ZNF782: variants seen among roughly 807,000 people sequenced by gnomAD.
ZNF782 encodes the protein zinc finger protein 782.
Under a neutral mutation model 13.0 loss-of-function variants are expected in ZNF782, and 12 were observed. The ratio of observed to expected loss-of-function variants is 0.92; its 90% CI spans 0.59 to 1.50. The LOEUF is 1.50. Among genes scored for constraint, ZNF782 ranks in the 40% most tolerant of loss-of-function variants. ZNF782 has a pLI of 0.00. For synonymous variants in ZNF782, 284 were observed against 283.0 expected, an observed-to-expected ratio of 1.00 and a Z score of -0.04; for missense variants, 770 against 822.9, an observed-to-expected ratio of 0.94 and a Z score of 0.79.
At chr9:96,909,455 C>A in the ZNF782 span, among the ~76,000 whole-genome samples, 1 of 148,300 alleles carries the variant, frequency 6.7e-6, no homozygotes, top group African/African-American at 2.5e-5. Flanking sequence ...AATTCTAAAT[C>A]AAGCCTTATG....
chr9:96,887,506 TACA>T, the ZNF782 span: 2 of 152,094 alleles, frequency 1.3e-5, no homozygotes, highest in Non-Finnish European at 1.5e-5. Flanking sequence ...CCAAACATGA[TACA>T]ACATTATGCT....
At position 96,817,954 on chromosome 9, in the gene ZNF782, C is replaced by CT; in HGVS notation, c.2068dup (p.Arg690LysfsTer16). Reference sequence around the variant, plus strand: ...CCCTGGGTGGGCTTTCTGATGTTCTCTAAGGCTTGATTTTTGACTGAAAGT... The same window carrying CT: ...CCCTGGGTGGGCTTTCTGATGTTCTCTTAAGGCTTGATTTTTGACTGAAAGT... On this transcript the variant is annotated frameshift_variant, in exon 6 of 6. Coordinates refer to ENST00000481138, the MANE Select transcript of ZNF782 (RefSeq NM_001001662.3). LOFTEE classifies it low-confidence loss of function (END_TRUNC). The CT allele has an allele frequency of 6.3e-7, 1 of 1,598,416 alleles. No individual in the cohort carries two copies. Among genetic ancestry groups the CT allele is most frequent in the Non-Finnish European group, 8.5e-7 (1 of 1,173,074 alleles).
intron 1 of ZNF782, among the ~76,000 whole-genome samples, chr9:96,853,741 A>G (rs1851574147): frequency 6.6e-6 from 1 of 152,188 alleles, no homozygotes; most frequent in Non-Finnish European, 1.5e-5. Flanking sequence ...GGCAGGTGTG[A>G]TATTAGCGCC....
the ZNF782 span, among the ~76,000 whole-genome samples, chr9:96,885,089 A>G: frequency 1.3e-5 from 2 of 152,212 alleles, no homozygotes; most frequent in African/African-American, 4.8e-5. Context: ...CTCATAATAT[A>G]GAAAATATCT....
chr9:96,912,418 C>T, the ZNF782 span, among the ~76,000 whole-genome samples: 4 of 149,224 alleles, frequency 2.7e-5, no homozygotes, highest in Non-Finnish European at 6.0e-5. Flanking sequence ...CCCAGCTACT[C>T]GGGAGGCGGA....
chr9:96,851,910 A>G (rs1748431216), intron 3 of ZNF782, 37 bp downstream of exon 3: 2 of 1,604,818 alleles, frequency 1.2e-6, no homozygotes, highest in East Asian at 2.2e-5. Context: ...CATAAAATCC[A>G]TTACAATACA....
At chr9:96,844,768 T>C (rs1184278128) in intron 4 of ZNF782, 122 bp downstream of exon 4, 9 of 1,353,266 alleles carry the variant, frequency 6.7e-6, no homozygotes, top group African/African-American at 5.8e-5. Flanking sequence ...AAGTGACTAA[T>C]ATAAAAAAGG....
the ZNF782 span, chr9:96,932,358 C>T: frequency 1.2e-6 from 2 of 1,611,350 alleles, no homozygotes; most frequent in African/African-American, 1.3e-5. Flanking sequence ...CACTACAAGC[C>T]CCTGGCCCGG....
rs1295562647 is a variant in ZNF782 at position 96,850,862 on chromosome 9, A to C, written c.15+1085T>G. On this transcript the variant is annotated intron_variant, in intron 3 of 5. Transcript: ENST00000481138. This position sits in a 1 kb window ranked among gnomAD's most constrained non-coding sequence, Gnocchi z 4.3. Reference sequence around the variant, plus strand: ...TCAAATACGTTTTGTATTAAAATTGAAAAATCTTTCCAGTTTTAGTAAACA... The same window carrying C: ...TCAAATACGTTTTGTATTAAAATTGCAAAATCTTTCCAGTTTTAGTAAACA... Among the ~76,000 whole-genome samples, 1 of 152,208 alleles carries C rather than the reference A, an allele frequency of 6.6e-6. No homozygotes were observed. Among genetic ancestry groups the C allele is most frequent in the African/African-American group, 2.4e-5 (1 of 41,454 alleles).
Position 96,818,453 on chromosome 9 carries a change from G to A in ZNF782, c.1570C>T (p.His524Tyr). The A allele has an allele frequency of 6.2e-7, 1 of 1,614,096 alleles. No individual in the cohort carries two copies. The highest frequency in any genetic ancestry group is 8.5e-7 in the Non-Finnish European group (1 of 1,180,016). ...AFKLKSGLRK[H>Y]HRTHTGEKPY... ...TTCTCCCCTGTGTGTGTTCTATGAT[G>A]TTTCCTCAGGCCTGACTTCAGTTTG... The change falls in exon 6 of 6, where the codon CAT (histidine) becomes TAT (tyrosine). Residue 524 changes from histidine to tyrosine, a missense_variant. Coordinates refer to ENST00000481138, the MANE Select transcript of ZNF782 (RefSeq NM_001001662.3).
chr9:96,883,631 G>C, the ZNF782 span, among the ~76,000 whole-genome samples: 1 of 152,160 alleles, frequency 6.6e-6, no homozygotes, highest in African/African-American at 2.4e-5. Flanking sequence ...AGTTTGAAAG[G>C]CTTTTCACAC....
At chr9:96,874,122 C>T (rs1851861821) in intron 1 of ZNF782, among the ~76,000 whole-genome samples, 3 of 152,134 alleles carry the variant, frequency 2.0e-5, no homozygotes, top group African/African-American at 2.4e-5. Flanking sequence ...TAGATCACTA[C>T]CCATCAATAC....
At chr9:96,930,033 C>T in the ZNF782 span, among the ~76,000 whole-genome samples, 2 of 152,254 alleles carry the variant, frequency 1.3e-5, no homozygotes, top group African/African-American at 4.8e-5. Flanking sequence ...GCGCTGTATC[C>T]CTTATTCCCC....
the ZNF782 span, chr9:96,891,294 C>A: frequency 6.6e-6 from 1 of 152,142 alleles, no homozygotes; most frequent in East Asian, 1.9e-4. Context: ...TATTTTACCA[C>A]AGAAAATGGA....
chr9:96,911,521 G>GTTTT, the ZNF782 span, among the ~76,000 whole-genome samples: 11 of 109,612 alleles, frequency 1.0e-4, no homozygotes, highest in East Asian at 3.2e-4. Context: ...TTTTTGTTTT[G>GTTTT]TTTTGTTTTT....
intron 1 of ZNF782, among the ~76,000 whole-genome samples, chr9:96,871,948 G>T (rs1851834118): frequency 6.6e-6 from 1 of 152,136 alleles, no homozygotes; most frequent in Middle Eastern, 3.2e-3. Flanking sequence ...ATACAGAATA[G>T]GATCAGTTTT....
the ZNF782 span, among the ~76,000 whole-genome samples, chr9:96,930,894 T>G: frequency 9.6e-5 from 8 of 83,630 alleles, no homozygotes; most frequent in African/African-American, 4.4e-4. Flanking sequence ...TTTTTTTTTT[T>G]TTTTTTTTTT....
the ZNF782 span, among the ~76,000 whole-genome samples, chr9:96,885,815 C>T: frequency 7.2e-5 from 11 of 151,776 alleles, no homozygotes; most frequent in Non-Finnish European, 1.0e-4. Flanking sequence ...CTTCCTTCCC[C>T]TTCCTTCCTT....
intron 2 of ZNF782, among the ~76,000 whole-genome samples, 159 bp from the exon 3 acceptor site, chr9:96,852,164 C>G (rs1232986861): frequency 6.7e-6 from 1 of 148,938 alleles, no homozygotes; most frequent in African/African-American, 2.6e-5. Context: ...GTAGAGGTGG[C>G]ACTGTCTACG....
Sources: gnomAD v4.1 joint callset for allele counts (sites outside exome capture counted in the v4.1 genomes callset) on GRCh38, gnomAD v4.1.1 for gene constraint, Gnocchi (gnomAD v3.1) non-coding constraint, MANE v1.5 for transcripts, NCBI Gene and HGNC (gene_info 2026-07-23, HGNC 2026-07-21) for gene names.